Variants in HAVCR1 observed in about 807,000 individuals in gnomAD.
HAVCR1 encodes the protein hepatitis A virus cellular receptor 1.
Under a neutral mutation model 32.0 loss-of-function variants are expected in HAVCR1, and 34 were observed. That is an observed-to-expected ratio of 1.06 (90% CI 0.81 to 1.42). The LOEUF (loss-of-function observed/expected upper bound fraction) is 1.42, where lower values mean the gene tolerates loss of function less well. Ranked by LOEUF, HAVCR1 falls within the 40% of genes most tolerant of loss-of-function variation. The pLI, the probability that HAVCR1 is intolerant of heterozygous loss-of-function variation, is 0.00. For synonymous variants in HAVCR1, 178 were observed against 170.3 expected (o/e 1.05, Z -0.35); for missense variants, 420 against 442.3 (o/e 0.95, Z 0.45).
intron 5 of HAVCR1, among the ~76,000 whole-genome samples, chr5:157,047,766 G>A (rs1755493504): frequency 6.6e-6 from 1 of 152,108 alleles, no homozygotes. Flanking sequence ...GCCACTCCAG[G>A]AAATTAATAG....
At chr5:157,041,986 G>T (rs971876617) in intron 6 of HAVCR1, among the ~76,000 whole-genome samples, 1 of 152,014 alleles carries the variant, frequency 6.6e-6, no homozygotes, top group Non-Finnish European at 1.5e-5. Context: ...TTGAACCCAG[G>T]AGGCGGAGGT....
rs1561599709 is a variant in HAVCR1, at chr5:157,052,530, T to C, written c.504A>G (p.Thr168=). 1 of 1,593,592 alleles carries C rather than the reference T, an allele frequency of 6.3e-7. No individual in the cohort carries two copies. Among genetic ancestry groups the C allele is most frequent in the Non-Finnish European group, 8.5e-7 (1 of 1,170,736 alleles). Residue 168 remains threonine, a synonymous_variant, in exon 4 of 9, where the codon ACA becomes ACG. Coordinates refer to ENST00000523175, the MANE Select transcript of HAVCR1 (RefSeq NM_001173393.3). The part of the protein sequence containing the change: ...MTTVPTTTVP[T]TMSIPTTTTV... ...TCGTTGTCGTTGGAATGCTCATTGT[T>C]GTTGGAACAGTTGTCGTTGGAACAG...
At chr5:157,030,195 T>C (rs1233717462) in intron 8 of HAVCR1, among the ~76,000 whole-genome samples, 1 of 152,204 alleles carries the variant, frequency 6.6e-6, no homozygotes, top group Non-Finnish European at 1.5e-5. Context: ...TATTTTCAAA[T>C]GTGGCTAAGC....
chr5:157,062,014 A>G (rs1756500157), upstream of HAVCR1, among the ~76,000 whole-genome samples: 1 of 152,200 alleles, frequency 6.6e-6, no homozygotes, highest in Admixed American at 6.5e-5. Flanking sequence ...AATATAGCAC[A>G]GTGGATTTTT....
At chr5:157,063,479 T>A (rs185010633), upstream of HAVCR1, among the ~76,000 whole-genome samples, 12 of 152,116 alleles carry the variant, frequency 7.9e-5, 1 homozygote, top group Middle Eastern at 3.4e-3. Flanking sequence ...GAGACGGGGT[T>A]TCACCATGTT....
rs780795032 is a variant in HAVCR1 at position 157,057,910 on chromosome 5, G to A, written c.34C>T (p.Leu12=). Residue 12 remains leucine, a synonymous_variant, in exon 2 of 9, where the codon CTA becomes TTA. Coordinates refer to ENST00000523175, the MANE Select transcript of HAVCR1 (RefSeq NM_001173393.3). ...HPQVVILSLI[L]HLADSVAGSV... ...CCTACTCACTTACCTGCCAGATGTA[G>A]GATGAGGCTTAAGATGACCACTTGA... 5.6e-6 allele frequency: 9 copies of A among 1,613,550 alleles called. No individual in the cohort carries two copies. The East Asian group carries it at 2.0e-4, about 36-fold the overall frequency.
upstream of HAVCR1, among the ~76,000 whole-genome samples, chr5:157,062,700 G>T (rs1756513791): frequency 6.6e-6 from 1 of 152,018 alleles, no homozygotes; most frequent in Non-Finnish European, 1.5e-5. Context: ...CCTGCCCACT[G>T]CCCTAAGCTA....
the HAVCR1 span, among the ~76,000 whole-genome samples, chr5:157,066,615 G>C: frequency 6.6e-6 from 1 of 151,944 alleles, no homozygotes; most frequent in African/African-American, 2.4e-5. Flanking sequence ...CAATCAAGGG[G>C]AAGAAAGGGA....
At chr5:157,039,726 A>G (rs1754758361) in intron 6 of HAVCR1, among the ~76,000 whole-genome samples, 3 of 152,352 alleles carry the variant, frequency 2.0e-5, no homozygotes, top group South Asian at 2.1e-4. Flanking sequence ...TAGGTTGTTT[A>G]TAATATTTTC....
chr5:157,047,175 T>C (rs1199265755), intron 5 of HAVCR1, among the ~76,000 whole-genome samples: 1 of 152,100 alleles, frequency 6.6e-6, no homozygotes, highest in East Asian at 1.9e-4. Context: ...GCCTTTCTGA[T>C]TGTGGGTCAT....
At chr5:157,048,073 C>A (rs1561594915) in intron 5 of HAVCR1, among the ~76,000 whole-genome samples, 1 of 152,190 alleles carries the variant, frequency 6.6e-6, no homozygotes, top group Non-Finnish European at 1.5e-5. Flanking sequence ...ACAGAAAACC[C>A]AGTTTGGGAG....
intron 4 of HAVCR1, among the ~76,000 whole-genome samples, chr5:157,051,556 T>A (rs1379215397): frequency 6.6e-6 from 1 of 152,068 alleles, no homozygotes; most frequent in Non-Finnish European, 1.5e-5. Flanking sequence ...CTTTTCTTTC[T>A]TTTTCACTCT....
At chr5:157,033,571 C>T (rs932162105) in intron 7 of HAVCR1, among the ~76,000 whole-genome samples, 1 of 1,830 alleles carries the variant, frequency 5.5e-4, no homozygotes, top group Non-Finnish European at 1.2e-3. Context: ...AATGGCAGGG[C>T]GGGGGCGGGG....
At chr5:157,036,770 C>T (rs1251740713) in intron 7 of HAVCR1, among the ~76,000 whole-genome samples, 1 of 152,132 alleles carries the variant, frequency 6.6e-6, no homozygotes, top group South Asian at 2.1e-4. Flanking sequence ...CTCCTGGGCT[C>T]AAGCAATCCT....
chr5:157,031,794 CAAA>C (rs57821791), intron 8 of HAVCR1, among the ~76,000 whole-genome samples: 80 of 106,522 alleles, frequency 7.5e-4, no homozygotes, highest in Admixed American at 1.3e-3. Flanking sequence ...CTGGGTGTCT[CAAA>C]AAAAAAAAAA....
upstream of HAVCR1, among the ~76,000 whole-genome samples, chr5:157,060,334 A>C (rs1289475559): frequency 6.6e-6 from 1 of 151,994 alleles, no homozygotes; most frequent in Admixed American, 6.6e-5. Context: ...TCCCCTGCTG[A>C]CTCAGCCCCA....
intron 6 of HAVCR1, among the ~76,000 whole-genome samples, chr5:157,038,688 C>T (rs755967596): frequency 6.6e-6 from 1 of 152,134 alleles, no homozygotes; most frequent in African/African-American, 2.4e-5. Flanking sequence ...TATTACTTTA[C>T]CTACAGGGTG....
chr5:157,044,571 A>C (rs1755184204), intron 5 of HAVCR1, among the ~76,000 whole-genome samples: 1 of 140,816 alleles, frequency 7.1e-6, no homozygotes, highest in African/African-American at 2.7e-5. Flanking sequence ...GAGAGAAAGA[A>C]AGACAAAGAA....
In HAVCR1 at chr5:157,052,495, G is replaced by A. The variant is rs758793144; in HGVS notation, c.539C>T (p.Thr180Met). 73 of 1,602,864 alleles carry A rather than the reference G, an allele frequency of 4.6e-5. No individual in the cohort carries two copies. The highest frequency in any genetic ancestry group is 7.8e-5 in the South Asian group (7 of 89,874). Residue 180 changes from threonine (T) to methionine (M), a missense_variant, in exon 4 of 9, where the codon ACG (threonine) becomes ATG (methionine). By Grantham distance (81) the Thr-to-Met change is moderately conservative. Coordinates refer to ENST00000523175, the MANE Select transcript of HAVCR1 (RefSeq NM_001173393.3). ...CGTTGTCGTTGAAACAGTCATTGTC[G>A]TCAGAACAGTCGTTGTCGTTGGAAT... ...MSIPTTTTVL[T>M]TMTVSTTTSV...
Sources: gnomAD v4.1 joint callset for allele counts (sites outside exome capture counted in the v4.1 genomes callset) on GRCh38, gnomAD v4.1.1 for gene constraint, MANE v1.5 for transcripts, NCBI Gene and HGNC (gene_info 2026-07-23, HGNC 2026-07-21) for gene names.